The following OSBP2 variants were observed in gnomAD, a reference collection of about 807,000 sequenced individuals.
The protein encoded by OSBP2 is oxysterol binding protein 2, also known as oxysterol-binding protein 2.
In OSBP2, 66 loss-of-function variants were observed where a neutral mutation model predicts 96.0. The observed-to-expected ratio is 0.69, with a 90% CI of 0.56 to 0.84. OSBP2 has a LOEUF of 0.84. Among genes scored for constraint, OSBP2 ranks in the 40% least tolerant of loss-of-function variants. The probability of loss-of-function intolerance (pLI) is 0.00; values close to 1 mark genes in which losing one functional copy is unlikely to be tolerated. For synonymous variants in OSBP2, 525 were observed against 520.9 expected (o/e 1.01, Z -0.11); for missense variants, 1,038 against 1,222.7 (o/e 0.85, Z 2.25).
At chr22:30,697,671 G>T (rs1208059688) in intron 1 of OSBP2, among the ~76,000 whole-genome samples, 1 of 152,226 alleles carries the variant, frequency 6.6e-6, no homozygotes, top group East Asian at 1.9e-4. Context: ...TGCTAGTTTT[G>T]TGGGGAGGAG....
intron 2 of OSBP2, among the ~76,000 whole-genome samples, chr22:30,747,634 C>T (rs539605781): frequency 6.6e-5 from 10 of 152,258 alleles, no homozygotes; most frequent in Admixed American, 2.0e-4. Context: ...GGTAAGGCCC[C>T]GTGTGATCAG....
At chr22:30,794,242 T>C (rs921071534) in intron 2 of OSBP2, among the ~76,000 whole-genome samples, 2 of 150,616 alleles carry the variant, frequency 1.3e-5, no homozygotes, top group African/African-American at 4.9e-5. Flanking sequence ...AAAATTATCT[T>C]ATTCTCTCCT....
At chr22:30,777,124 G>A (rs1168980571) in intron 2 of OSBP2, among the ~76,000 whole-genome samples, 3 of 152,182 alleles carry the variant, frequency 2.0e-5, no homozygotes, top group African/African-American at 7.2e-5. Flanking sequence ...TTTGGACTGT[G>A]GACTTTTGAG....
chr22:30,891,010 C>A lies in OSBP2; in HGVS notation c.1869+37C>A, dbSNP rs2039936273. ...AGGCTGGCACTGGGTGGCGCCCACC[C>A]ACACTCTGGCCAAGCTGTTCCTGCC... On this transcript the variant is annotated intron_variant, in intron 8 of 13. Transcript: ENST00000332585. 3 of 1,584,954 alleles carry A rather than the reference C, an allele frequency of 1.9e-6. No individual in the cohort carries two copies. The South Asian group carries it at 3.4e-5, about 18-fold the overall frequency.
chr22:30,893,057 G>T (rs1602429023), intron 8 of OSBP2, 65 bp from the exon 9 acceptor site: 11 of 1,592,904 alleles, frequency 6.9e-6, no homozygotes, highest in Non-Finnish European at 9.4e-6. Flanking sequence ...TCCCTCCCTG[G>T]CTGGGGCAAG....
chr22:30,864,074 A>C (rs1180435299), intron 2 of OSBP2, among the ~76,000 whole-genome samples: 2 of 151,488 alleles, frequency 1.3e-5, no homozygotes, highest in Non-Finnish European at 2.9e-5. Context: ...AGGTTCAAGC[A>C]ATTCTCCTGC....
chr22:30,697,504 C>G (rs556773536), intron 1 of OSBP2, among the ~76,000 whole-genome samples: 173 of 152,276 alleles, frequency 1.1e-3, no homozygotes, highest in Non-Finnish European at 2.3e-3. Flanking sequence ...GTCTTGATCT[C>G]TTGACCTCAT....
At chr22:30,863,455 G>GT (rs1446504078) in intron 2 of OSBP2, among the ~76,000 whole-genome samples, 1 of 152,168 alleles carries the variant, frequency 6.6e-6, no homozygotes, top group African/African-American at 2.4e-5. Flanking sequence ...CCACGTGGGG[G>GT]TGGAATGTCT....
rs560302077 is a variant in OSBP2, at chr22:30,871,060, C to G, written c.1107+378C>G. On this transcript the variant is annotated intron_variant, in intron 3 of 13. Coordinates refer to ENST00000332585, the MANE Select transcript of OSBP2 (RefSeq NM_030758.4). The surrounding 1 kb of genome is among the most constrained non-coding windows in gnomAD (Gnocchi z 4.7). ...CCACACTGGCCCTCGGTGGCTGCTACTCCTCCTCCCTGGGTTCACTCCCCA... is the reference window on the plus strand; with the variant it reads ...CCACACTGGCCCTCGGTGGCTGCTAGTCCTCCTCCCTGGGTTCACTCCCCA... 6.6e-6 allele frequency among the ~76,000 whole-genome samples: 1 copy of G among 152,250 alleles called. No homozygotes were observed. Among genetic ancestry groups the G allele is most frequent in the South Asian group, 2.1e-4 (1 of 4,814 alleles).
chr22:30,868,681 C>A (rs908993431), intron 2 of OSBP2, among the ~76,000 whole-genome samples: 1 of 152,240 alleles, frequency 6.6e-6, no homozygotes, highest in South Asian at 2.1e-4. Context: ...AGGCTCCCTG[C>A]CTCCTGGCTG....
chr22:30,889,156 C>T, intron 5 of OSBP2, 21 bp from the exon 6 acceptor site: 3 of 1,609,860 alleles, frequency 1.9e-6, no homozygotes, highest in East Asian at 2.2e-5. Flanking sequence ...TAGTAACTTG[C>T]CTCCCGCTTT....
At chr22:30,885,237 G>A (rs1160906399) in intron 3 of OSBP2, among the ~76,000 whole-genome samples, 7 of 152,342 alleles carry the variant, frequency 4.6e-5, no homozygotes, top group Middle Eastern at 3.4e-3. Context: ...ATTGGGTGGG[G>A]AGGAAGTGCT....
rs749853400 is a variant in OSBP2, at chr22:30,881,757, G to A, written c.1108-5669G>A. ...ACAGCCAGGATGGGGCCTGGAGAAG[G>A]CCGGCAGCAGCAGAGGAGACCCTGG... On this transcript the variant is annotated intron_variant, in intron 3 of 13. Coordinates refer to ENST00000332585, the MANE Select transcript of OSBP2 (RefSeq NM_030758.4). This position sits in a 1 kb window ranked among gnomAD's most constrained non-coding sequence, Gnocchi z 4.5. 6.1e-6 allele frequency: 8 copies of A among 1,304,172 alleles called. No individual in the cohort carries two copies. Among genetic ancestry groups the A allele is most frequent in the Middle Eastern group, 4.3e-4 (2 of 4,694 alleles). 80.8% of individuals were successfully genotyped at this position (1,304,172 alleles called of 1,614,324 possible).
At position 30,906,622 on chromosome 22, in the gene OSBP2, G is replaced by T. The variant is rs2040342616; in HGVS notation, c.*283G>T. Reference sequence around the variant, plus strand: ...CCCCTGCCCCAGTTACCACAACTCAGGCCGGCTGGCCCGGGCCATGGGCTG... The same window carrying T: ...CCCCTGCCCCAGTTACCACAACTCATGCCGGCTGGCCCGGGCCATGGGCTG... On this transcript the variant is annotated 3_prime_UTR_variant, in exon 14 of 14. Coordinates refer to ENST00000332585, the MANE Select transcript of OSBP2 (RefSeq NM_030758.4). The T allele has an allele frequency of 3.2e-6, 1 of 315,660 alleles. No individual in the cohort carries two copies. Among genetic ancestry groups the T allele is most frequent in the Non-Finnish European group, 5.7e-6 (1 of 174,132 alleles). 19.6% of individuals were successfully genotyped at this position (315,660 alleles called of 1,614,324 possible).
rs1389629648 is a variant in OSBP2, at chr22:30,905,908, C to T, written c.2447C>T (p.Ala816Val). 2 of 1,613,000 alleles carry T rather than the reference C, an allele frequency of 1.2e-6. No individual in the cohort carries two copies. The highest frequency in any genetic ancestry group is 1.7e-6 in the Non-Finnish European group (2 of 1,179,660). The change falls in exon 13 of 14, where the codon GCG becomes GTG. Residue 816 changes from alanine (A) to valine (V), a missense_variant. Coordinates refer to ENST00000332585, the MANE Select transcript of OSBP2 (RefSeq NM_030758.4). Reference protein sequence around the residue: ...LTLNEHEEGVAPTDSRLRPDQ... With the variant: ...LTLNEHEEGVVPTDSRLRPDQ... ...CTCAACGAGCACGAGGAGGGCGTAG[C>T]GCCAACCGACAGCCGCCTGCGGCCC...
intron 1 of OSBP2, among the ~76,000 whole-genome samples, chr22:30,722,436 T>C (rs1030591606): frequency 6.6e-6 from 1 of 152,190 alleles, no homozygotes; most frequent in Non-Finnish European, 1.5e-5. Flanking sequence ...TATAAATATT[T>C]TAGTACAGTG....
At chr22:30,712,120 G>A (rs1019261807) in intron 1 of OSBP2, among the ~76,000 whole-genome samples, 12 of 152,160 alleles carry the variant, frequency 7.9e-5, no homozygotes, top group African/African-American at 1.9e-4. Context: ...AAGACAGAGC[G>A]TGTCAGACTG....
intron 2 of OSBP2, among the ~76,000 whole-genome samples, chr22:30,755,226 G>T (rs757667352): frequency 3.3e-5 from 5 of 152,172 alleles, no homozygotes; most frequent in Non-Finnish European, 7.3e-5. Context: ...ACCCACAGGG[G>T]CGCTTAGAGC....
intron 3 of OSBP2, chr22:30,872,471 A>G (rs2039479029): frequency 4.6e-6 from 2 of 435,782 alleles, no homozygotes; most frequent in South Asian, 3.3e-5. Flanking sequence ...TGTGTTTACG[A>G]AGCCATCAGA....
Sources: gnomAD v4.1 joint callset for allele counts (sites outside exome capture counted in the v4.1 genomes callset) on GRCh38, gnomAD v4.1.1 for gene constraint, Gnocchi (gnomAD v3.1) non-coding constraint, MANE v1.5 for transcripts, NCBI Gene and HGNC (gene_info 2026-07-23, HGNC 2026-07-21) for gene names.